The following TENM2 variants were observed in gnomAD, a reference collection of about 807,000 sequenced individuals.
The protein encoded by TENM2 is teneurin transmembrane protein 2.
In TENM2, 52 loss-of-function variants were observed where a neutral mutation model predicts 245.2. The observed-to-expected ratio is 0.21, with a 90% CI of 0.17 to 0.27. The LOEUF (loss-of-function observed/expected upper bound fraction) is 0.27. TENM2 is among the 10% of genes least tolerant of loss of function. TENM2 has a pLI of 1.00. For synonymous variants in TENM2, 1,363 were observed against 1,438.9 expected, an observed-to-expected ratio of 0.95 and a Z score of 1.19; for missense variants, 3,046 against 3,666.8, an observed-to-expected ratio of 0.83 and a Z score of 4.37.
intron 4 of TENM2, among the ~76,000 whole-genome samples, chr5:167,975,576 A>T (rs1782377348): frequency 6.6e-6 from 1 of 152,110 alleles, no homozygotes; most frequent in African/African-American, 2.4e-5. Flanking sequence ...TGTCCAACAG[A>T]TATATGTAGG....
At chr5:167,362,095 A>AG (rs1759751492) in intron 1 of TENM2, among the ~76,000 whole-genome samples, 2 of 152,182 alleles carry the variant, frequency 1.3e-5, no homozygotes, top group Non-Finnish European at 2.9e-5. Flanking sequence ...TGCTAAGTGT[A>AG]ATTAAGGCTT....
intron 2 of TENM2, among the ~76,000 whole-genome samples, chr5:167,578,169 G>C (rs1439057409): frequency 6.6e-6 from 1 of 152,128 alleles, no homozygotes; most frequent in Non-Finnish European, 1.5e-5. Flanking sequence ...CTGGAATATG[G>C]GGTCCCACCA....
chr5:167,438,306 C>A (rs915358749), intron 2 of TENM2, among the ~76,000 whole-genome samples: 4 of 152,188 alleles, frequency 2.6e-5, no homozygotes, highest in African/African-American at 9.6e-5. Context: ...TCCCTTTTTA[C>A]TTTTCCATGT....
At position 167,576,718 on chromosome 5, in the gene TENM2, A is replaced by G. The variant is rs567424910; in HGVS notation, c.502+201245A>G. On this transcript the variant is annotated intron_variant, in intron 2 of 28. Transcript: ENST00000518659. ...TAATGATCAAACGCATTATAAAAAT[A>G]TGCACCAGTTGCCAACATGTAATGA... Among the ~76,000 whole-genome samples, 12 of 152,384 alleles carry G rather than the reference A, an allele frequency of 7.9e-5. No individual in the cohort carries two copies. The South Asian group carries it at 2.1e-3, about 26-fold the overall frequency.
intron 2 of TENM2, among the ~76,000 whole-genome samples, chr5:167,719,305 T>A (rs1450231865): frequency 6.6e-6 from 1 of 152,236 alleles, no homozygotes. Flanking sequence ...CCTGTTCTTC[T>A]GTCAATACCC....
the TENM2 span, among the ~76,000 whole-genome samples, chr5:167,272,278 C>T: frequency 2.6e-5 from 4 of 152,090 alleles, no homozygotes; most frequent in South Asian, 4.1e-4. Flanking sequence ...GCACTGTTTT[C>T]GGGTTGACTT....
intron 2 of TENM2, among the ~76,000 whole-genome samples, chr5:167,780,745 T>C (rs1042154462): frequency 6.6e-6 from 1 of 152,174 alleles, no homozygotes. Flanking sequence ...AAAAATGTTG[T>C]GCCCAGAGAC....
At chr5:167,542,791 CAAT>C (rs1238954244) in intron 2 of TENM2, among the ~76,000 whole-genome samples, 2 of 151,902 alleles carry the variant, frequency 1.3e-5, no homozygotes, top group Non-Finnish European at 2.9e-5. Flanking sequence ...TTTATAAAAC[CAAT>C]AATGAGTTAG....
chr5:167,326,607 A>G (rs1361988009), intron 1 of TENM2, among the ~76,000 whole-genome samples: 1 of 151,656 alleles, frequency 6.6e-6, no homozygotes, highest in East Asian at 1.9e-4. Flanking sequence ...CAGGAGACGG[A>G]GGTTGCAGTG....
the TENM2 span, among the ~76,000 whole-genome samples, chr5:167,040,609 G>A: frequency 1.3e-5 from 2 of 151,878 alleles, no homozygotes; most frequent in African/African-American, 4.8e-5. Context: ...TCTGAATCTG[G>A]TTTTGAAAAA....
intron 1 of TENM2, among the ~76,000 whole-genome samples, chr5:167,350,216 G>T (rs1159530477): frequency 6.6e-6 from 1 of 151,984 alleles, no homozygotes; most frequent in Non-Finnish European, 1.5e-5. Context: ...GGTCCTCCTT[G>T]TTTGATACAA....
intron 2 of TENM2, among the ~76,000 whole-genome samples, chr5:167,673,191 A>G (rs1443992338): frequency 6.6e-6 from 1 of 152,098 alleles, no homozygotes; most frequent in Admixed American, 6.6e-5. Flanking sequence ...AATTTAAATT[A>G]TATTTTATTA....
At chr5:168,231,719 A>G (rs1764927518) in intron 25 of TENM2, among the ~76,000 whole-genome samples, 1 of 149,898 alleles carries the variant, frequency 6.7e-6, no homozygotes, top group African/African-American at 2.5e-5. Context: ...AGCCTAGGCA[A>G]TATAGCAAAA....
the TENM2 span, among the ~76,000 whole-genome samples, chr5:167,024,010 C>G: frequency 6.6e-6 from 1 of 151,936 alleles, no homozygotes; most frequent in Non-Finnish European, 1.5e-5. Flanking sequence ...CATGAGAGAT[C>G]GAGAGATTTT....
the TENM2 span, among the ~76,000 whole-genome samples, chr5:167,107,183 A>G: frequency 2.0e-5 from 3 of 151,892 alleles, no homozygotes; most frequent in Admixed American, 6.6e-5. Flanking sequence ...AATTGCTTGA[A>G]CCAGGGAGGC....
intron 2 of TENM2, among the ~76,000 whole-genome samples, chr5:167,387,184 G>A (rs1761483918): frequency 6.6e-6 from 1 of 151,932 alleles, no homozygotes; most frequent in Admixed American, 6.6e-5. Flanking sequence ...GATTTCTTTA[G>A]GCAGTGTTTT....
At chr5:167,544,764 C>A (rs1336376495) in intron 2 of TENM2, among the ~76,000 whole-genome samples, 2 of 152,172 alleles carry the variant, frequency 1.3e-5, no homozygotes, top group African/African-American at 4.8e-5. Flanking sequence ...TTCCTTCCCT[C>A]ATGGAGCTGA....
intron 5 of TENM2, among the ~76,000 whole-genome samples, chr5:168,004,519 A>ACG (rs1465686752): frequency 2.5e-4 from 8 of 31,788 alleles, no homozygotes; most frequent in East Asian, 1.5e-3. Context: ...GCGCGCGCGC[A>ACG]CACACACACA....
chr5:167,593,126 C>G (rs1224607642), intron 2 of TENM2, among the ~76,000 whole-genome samples: 1 of 152,076 alleles, frequency 6.6e-6, no homozygotes, highest in African/African-American at 2.4e-5. Flanking sequence ...ATGGTCCTGC[C>G]CATAGCTTCT....
Sources: allele counts gnomAD v4.1 joint callset (sites outside exome capture counted in the v4.1 genomes callset), GRCh38; gene constraint gnomAD v4.1.1; transcripts MANE v1.5; gene names NCBI Gene and HGNC (gene_info 2026-07-23, HGNC 2026-07-21).